The following CFDP1 variants were observed in gnomAD, a reference collection of about 807,000 sequenced individuals.
CFDP1 encodes the protein chromatin remodeling protein CFDP1.
Under a neutral mutation model 40.1 loss-of-function variants are expected in CFDP1, and 31 were observed. That is an observed-to-expected ratio of 0.77 (90% CI 0.58 to 1.04). CFDP1 has a LOEUF of 1.04. Among genes scored for constraint, CFDP1 ranks in the 50% least tolerant of loss-of-function variants. The pLI is 0.00. For synonymous variants in CFDP1, 167 were observed against 120.0 expected (o/e 1.39, Z -2.56); for missense variants, 423 against 343.4 (o/e 1.23, Z -1.83).
chr16:75,322,906 G>A (rs1377203272), intron 5 of CFDP1, among the ~76,000 whole-genome samples: 2 of 152,192 alleles, frequency 1.3e-5, no homozygotes, highest in Non-Finnish European at 2.9e-5. Flanking sequence ...AGGACTGGAA[G>A]TTGCTCTGGG....
At chr16:75,405,436 G>T (rs1232203652) in intron 4 of CFDP1, among the ~76,000 whole-genome samples, 1 of 151,506 alleles carries the variant, frequency 6.6e-6, no homozygotes, top group East Asian at 1.9e-4. Flanking sequence ...CACCAGGCTG[G>T]ATAAACCCAT....
chr16:75,382,716 C>A (rs115116499), intron 5 of CFDP1, among the ~76,000 whole-genome samples: 1 of 152,168 alleles, frequency 6.6e-6, no homozygotes, highest in Non-Finnish European at 1.5e-5. Flanking sequence ...AAGCAAGTAA[C>A]GCTATACAAG....
intron 1 of CFDP1, among the ~76,000 whole-genome samples, chr16:75,423,900 T>G (rs192451897): frequency 6.4e-4 from 97 of 152,240 alleles, no homozygotes; most frequent in African/African-American, 2.3e-3. Context: ...GTTGGTTGAA[T>G]CCATGGCTGT....
intron 1 of CFDP1, among the ~76,000 whole-genome samples, chr16:75,432,255 C>T (rs960218214): frequency 2.0e-5 from 3 of 147,956 alleles, no homozygotes; most frequent in Non-Finnish European, 4.5e-5. Context: ...ACTTCACTAG[C>T]CGGGGCGCGG....
chr16:75,346,661 T>C (rs930455238), intron 5 of CFDP1, among the ~76,000 whole-genome samples: 35 of 148,622 alleles, frequency 2.4e-4, no homozygotes, highest in African/African-American at 7.9e-4. Context: ...AAACTAAGTT[T>C]TATATAATCG....
chr16:75,311,087 A>G (rs1007581515), intron 5 of CFDP1, among the ~76,000 whole-genome samples: 2 of 152,226 alleles, frequency 1.3e-5, no homozygotes, highest in African/African-American at 4.8e-5. Flanking sequence ...TGAGGGCACA[A>G]AAGAAGAGCT....
At chr16:75,422,422 C>G (rs1384509379) in intron 1 of CFDP1, among the ~76,000 whole-genome samples, 1 of 122,534 alleles carries the variant, frequency 8.2e-6, no homozygotes, top group Non-Finnish European at 1.6e-5. Context: ...TTTTTTGAGA[C>G]AGAGTCTCGC....
chr16:75,297,755 T>G (rs1239965839), intron 6 of CFDP1, among the ~76,000 whole-genome samples: 1 of 152,226 alleles, frequency 6.6e-6, no homozygotes, highest in East Asian at 1.9e-4. Flanking sequence ...TAGTTTTTCC[T>G]TTTAGAACCA....
intron 5 of CFDP1, among the ~76,000 whole-genome samples, chr16:75,334,622 C>A (rs1026512795): frequency 6.6e-6 from 1 of 151,966 alleles, no homozygotes; most frequent in African/African-American, 2.4e-5. Flanking sequence ...CAAGACAAGG[C>A]TTACGAAGAA....
Position 75,329,452 on chromosome 16 carries a change from C to T in CFDP1, c.651-24270G>A, listed in dbSNP as rs144141639. The stretch of plus-strand genomic sequence containing the variant: ...TGACTTTGATGTTAAAAAAAAAATC[C>T]GTGATAACCAGTTTGGCTTAATTGA... On this transcript the variant is annotated intron_variant, in intron 5 of 6. Transcript: ENST00000283882. 5.7e-3 allele frequency among the ~76,000 whole-genome samples: 871 copies of T among 152,182 alleles called. 6 individuals carry two copies. Among genetic ancestry groups the T allele is most frequent in the African/African-American group, 0.019 (808 of 41,510 alleles).
At chr16:75,416,716 C>A (rs1247292423) in intron 1 of CFDP1, among the ~76,000 whole-genome samples, 1 of 152,084 alleles carries the variant, frequency 6.6e-6, no homozygotes, top group Non-Finnish European at 1.5e-5. Flanking sequence ...CCACTGCACT[C>A]CAGCCTGGGT....
chr16:75,334,379 T>C (rs932828351), intron 5 of CFDP1, among the ~76,000 whole-genome samples: 3 of 151,314 alleles, frequency 2.0e-5, no homozygotes, highest in African/African-American at 4.9e-5. Context: ...CAGTCCCACC[T>C]GTCGAGACAA....
At chr16:75,299,549 C>T (rs958311676) in intron 6 of CFDP1, among the ~76,000 whole-genome samples, 9 of 151,298 alleles carry the variant, frequency 5.9e-5, no homozygotes, top group Non-Finnish European at 1.0e-4. Context: ...GAGCTGAGAT[C>T]GCGCCACTGC....
At position 75,414,592 on chromosome 16, in the gene CFDP1, C is replaced by G. The variant is rs532522214; in HGVS notation, c.168G>C (p.Gln56His). Reference sequence around the variant, plus strand: ...GGCAGCATCACCTGGCTGGAATGCTCTGGGCCTTTCTTTTTTTCCCTTGGG... The same window carrying G: ...GGCAGCATCACCTGGCTGGAATGCTGTGGGCCTTTCTTTTTTTCCCTTGGG... ...QKTQGKKRKA[Q>H]SIPARKRRQG... Residue 56 changes from glutamine (Q) to histidine (H), a missense_variant, in exon 2 of 7, where the codon CAG becomes CAC. Gln to His is a conservative substitution (Grantham distance 24). Coordinates refer to ENST00000283882, the MANE Select transcript of CFDP1 (RefSeq NM_006324.3). 1.2e-6 allele frequency: 2 copies of G among 1,612,226 alleles called. No homozygotes were observed. Among genetic ancestry groups the G allele is most frequent in the East Asian group, 2.2e-5 (1 of 44,854 alleles).
At chr16:75,327,546 G>T (rs1431762022) in intron 5 of CFDP1, among the ~76,000 whole-genome samples, 1 of 152,124 alleles carries the variant, frequency 6.6e-6, no homozygotes, top group East Asian at 1.9e-4. Context: ...ATGGTAGAAA[G>T]AGTATTCAGA....
chr16:75,293,723 C>G lies in CFDP1; in HGVS notation c.*229G>C, dbSNP rs1314136755. The G allele has an allele frequency of 1.8e-5, 9 of 505,788 alleles. No individual in the cohort carries two copies. The allele number at this position is 505,788 out of a possible 1,614,324, so 31.3% of individuals were successfully genotyped here. On this transcript the variant is annotated 3_prime_UTR_variant, in exon 7 of 7. Coordinates refer to ENST00000283882, the MANE Select transcript of CFDP1 (RefSeq NM_006324.3). ...TGAGCGAGGTCGTCATCTTCATTAT[C>G]CTCTCACAGGACCAACTTTTATTTT...
At chr16:75,362,515 C>G (rs2078686556) in intron 5 of CFDP1, among the ~76,000 whole-genome samples, 2 of 152,196 alleles carry the variant, frequency 1.3e-5, no homozygotes, top group Non-Finnish European at 2.9e-5. Flanking sequence ...GTCCGAATAG[C>G]TATGCTGATT....
intron 5 of CFDP1, among the ~76,000 whole-genome samples, chr16:75,336,134 G>A (rs991916727): frequency 6.6e-6 from 1 of 152,134 alleles, no homozygotes. Context: ...TATCACTTAG[G>A]ATTTTAGTTG....
chr16:75,331,044 G>C (rs2078442858), intron 5 of CFDP1, among the ~76,000 whole-genome samples: 1 of 150,988 alleles, frequency 6.6e-6, no homozygotes, highest in African/African-American at 2.4e-5. Flanking sequence ...TTATTTCACA[G>C]CTATTCAGGA....
Sources: allele counts gnomAD v4.1 joint callset (sites outside exome capture counted in the v4.1 genomes callset), GRCh38; gene constraint gnomAD v4.1.1; transcripts MANE v1.5; gene names NCBI Gene and HGNC (gene_info 2026-07-23, HGNC 2026-07-21).